The following KLHL4 variants were observed in gnomAD, a reference collection of about 807,000 sequenced individuals.
KLHL4 encodes kelch-like protein 4.
KLHL4 carries 17 observed loss-of-function variants against 45.8 expected under a neutral mutation model. The observed-to-expected ratio is 0.37, with a 90% CI of 0.25 to 0.56. KLHL4 has a LOEUF of 0.56. KLHL4 is among the 20% of genes least tolerant of loss of function. The probability of loss-of-function intolerance (pLI) is 0.79; values close to 1 mark genes in which losing one functional copy is unlikely to be tolerated. For missense variants in KLHL4, 544 were observed against 544.9 expected, an observed-to-expected ratio of 1.00 and a Z score of 0.02; for synonymous variants, 224 against 189.9, an observed-to-expected ratio of 1.18 and a Z score of -1.47.
At chrX:87,565,312 A>G (rs1444646896) in intron 1 of KLHL4, among the ~76,000 whole-genome samples, 2 of 112,311 alleles carry the variant, frequency 1.8e-5, no homozygotes, top group Non-Finnish European at 3.8e-5. Context: ...AGATTAAAAT[A>G]GAGAATAGAA....
chrX:87,650,509 A>C (rs1176849049), intron 9 of KLHL4, among the ~76,000 whole-genome samples: 1 of 112,184 alleles, frequency 8.9e-6, no homozygotes, highest in African/African-American at 3.2e-5. Flanking sequence ...CCTGACTTTT[A>C]TTTCTCTTTT....
chrX:87,602,139 C>A (rs964394595), intron 1 of KLHL4, among the ~76,000 whole-genome samples: 8 of 110,333 alleles, frequency 7.3e-5, no homozygotes, highest in Admixed American at 3.8e-4. Flanking sequence ...TGTTTTGAGT[C>A]AAAAAATTAA....
intron 1 of KLHL4, among the ~76,000 whole-genome samples, chrX:87,608,019 C>G (rs1200942363): frequency 9.0e-6 from 1 of 111,656 alleles, no homozygotes; most frequent in Admixed American, 9.6e-5. Flanking sequence ...CTTATGATTA[C>G]TACACCTATC....
At chrX:87,526,757 A>G (rs1489915917) in intron 1 of KLHL4, among the ~76,000 whole-genome samples, 2 of 112,134 alleles carry the variant, frequency 1.8e-5, no homozygotes, top group African/African-American at 6.5e-5. Flanking sequence ...AATGAAAGAC[A>G]TATATTGGAG....
At chrX:87,545,938 T>C (rs1423277416) in intron 1 of KLHL4, among the ~76,000 whole-genome samples, 1 of 111,640 alleles carries the variant, frequency 9.0e-6, no homozygotes, top group Non-Finnish European at 1.9e-5. Flanking sequence ...GCCCTAGAGA[T>C]CTGTGGAACT....
chrX:87,622,469 C>T (rs753228243), intron 5 of KLHL4, 46 bp downstream of exon 5: 13 of 814,467 alleles, frequency 1.6e-5, no homozygotes, highest in African/African-American at 4.1e-5. Context: ...TCTGAACTAC[C>T]ACTAGGCACT....
intron 9 of KLHL4, among the ~76,000 whole-genome samples, chrX:87,660,562 G>A (rs1311359258): frequency 8.9e-6 from 1 of 111,878 alleles, no homozygotes; most frequent in Non-Finnish European, 1.9e-5. Flanking sequence ...AACTACATTG[G>A]AGCCAGGCGC....
rs1040601042 is a variant in KLHL4, at chrX:87,555,327, G to A, written c.422+37012G>A. On this transcript the variant is annotated intron_variant, in intron 1 of 10. Coordinates refer to ENST00000373119, the MANE Select transcript of KLHL4 (RefSeq NM_019117.5). ...CCTCCTTGTACCTCTGGTAGAATTC[G>A]GCTTTGAATCCATCTGGTCCTGGAC... Among the ~76,000 whole-genome samples the A allele has an allele frequency of 1.7e-4, 19 of 110,215 alleles. No homozygotes were observed. The East Asian group carries it at 3.5e-3, about 20-fold the overall frequency.
At chrX:87,544,159 A>C (rs1183625331) in intron 1 of KLHL4, among the ~76,000 whole-genome samples, 1 of 110,919 alleles carries the variant, frequency 9.0e-6, no homozygotes, top group Non-Finnish European at 1.9e-5. Context: ...CTTGAGCCTT[A>C]AGAGAACATT....
intron 9 of KLHL4, among the ~76,000 whole-genome samples, chrX:87,662,929 CAAAA>C (rs56333226): frequency 3.4e-5 from 2 of 59,298 alleles, no homozygotes; most frequent in Admixed American, 2.2e-4. Context: ...GACTCCGTCT[CAAAA>C]AAAAAAAAAA....
chrX:87,625,752 C>T lies in KLHL4; in HGVS notation c.1280C>T (p.Thr427Ile). 8.3e-7 allele frequency: 1 copy of T among 1,209,535 alleles called. No individual in the cohort carries two copies. The highest frequency in any genetic ancestry group is 1.1e-6 in the Non-Finnish European group (1 of 894,247). ...CCTCGGACAAAGCCTAGAAAATCAA[C>T]TGTGGGGGCACTTTATGCTGTAGGA... ...QSPRTKPRKS[T>I]VGALYAVGGM... The change falls in exon 6 of 11, where the codon ACT (threonine) becomes ATT (isoleucine). Residue 427 changes from threonine to isoleucine, a missense_variant. Coordinates refer to ENST00000373119, the MANE Select transcript of KLHL4 (RefSeq NM_019117.5).
At chrX:87,558,590 AAAAACAAAC>A (rs1932031443) in intron 1 of KLHL4, among the ~76,000 whole-genome samples, 2 of 111,817 alleles carry the variant, frequency 1.8e-5, no homozygotes, top group African/African-American at 6.5e-5. Flanking sequence ...CTCCATCTCA[AAAAACAAAC>A]AAAACAAACA....
rs1011936103 is a variant in KLHL4, at chrX:87,666,413, T to C, written c.2098-62T>C. On this transcript the variant is annotated intron_variant, in intron 10 of 10. Transcript: ENST00000373119. ...ACTTCTTCAACTATATTGAATATAA[T>C]ATTTTATATTATGCTGAAATCAGAG... 21 of 1,043,014 alleles carry C rather than the reference T, an allele frequency of 2.0e-5. No individual in the cohort carries two copies. In the East Asian group the frequency reaches 5.2e-4, roughly 26 times the overall value. The allele number at this position is 1,043,014 out of a possible 1,213,427, so 86.0% of individuals were successfully genotyped here. A position where few individuals can be genotyped will look rare whatever the true frequency, so the allele number is the denominator to read the frequency against.
At chrX:87,613,640 C>T (rs1478408777) in intron 1 of KLHL4, among the ~76,000 whole-genome samples, 2 of 111,633 alleles carry the variant, frequency 1.8e-5, no homozygotes, top group East Asian at 5.6e-4. Context: ...GTTCTGGTTA[C>T]ATTTCAGATA....
intron 3 of KLHL4, among the ~76,000 whole-genome samples, chrX:87,615,171 T>C (rs1922515865): frequency 9.0e-6 from 1 of 111,461 alleles, no homozygotes; most frequent in African/African-American, 3.2e-5. Flanking sequence ...AACAGAGTCA[T>C]TTTCAAACAT....
At chrX:87,630,039 G>A (rs1923047671) in intron 6 of KLHL4, among the ~76,000 whole-genome samples, 1 of 111,656 alleles carries the variant, frequency 9.0e-6, no homozygotes, top group Admixed American at 9.5e-5. Flanking sequence ...TTACAAGTTT[G>A]TGCTAGAAAA....
At chrX:87,531,575 A>G (rs1931281464) in intron 1 of KLHL4, among the ~76,000 whole-genome samples, 1 of 107,439 alleles carries the variant, frequency 9.3e-6, no homozygotes, top group Non-Finnish European at 1.9e-5. Context: ...TTGTATATCT[A>G]GAAAACCCCA....
chrX:87,670,037 AG>A lies in KLHL4; in HGVS notation c.*3504del, dbSNP rs1394030688. ...TATGAATTATAGTAATATTAATAAA[AG>A]TGTTAAAGCTTTTTCTCTCTTGACA... On this transcript the variant is annotated 3_prime_UTR_variant, in exon 11 of 11. Transcript: ENST00000373119. 1 of 111,561 alleles carries A rather than the reference AG, an allele frequency of 9.0e-6. No homozygotes were observed. Among genetic ancestry groups the A allele is most frequent in the African/African-American group, 3.3e-5 (1 of 30,723 alleles). 9.2% of individuals were successfully genotyped at this position (111,561 alleles called of 1,213,427 possible).
At chrX:87,558,663 T>C (rs1324211167) in intron 1 of KLHL4, among the ~76,000 whole-genome samples, 3 of 102,603 alleles carry the variant, frequency 2.9e-5, no homozygotes, top group African/African-American at 1.1e-4. Context: ...GTTAGCTATT[T>C]CATAAGAGCT....
Sources: gnomAD v4.1 joint callset for allele counts (sites outside exome capture counted in the v4.1 genomes callset) on GRCh38, gnomAD v4.1.1 for gene constraint, MANE v1.5 for transcripts, NCBI Gene and HGNC (gene_info 2026-07-23, HGNC 2026-07-21) for gene names.